MSH6: variants seen among roughly 807,000 people sequenced by gnomAD.
The protein encoded by MSH6 is mutS homolog 6, also known as DNA mismatch repair protein Msh6.
In MSH6, 85 loss-of-function variants were observed where a neutral mutation model predicts 119.1. The ratio of observed to expected loss-of-function variants is 0.71; its 90% CI spans 0.60 to 0.85. The LOEUF (loss-of-function observed/expected upper bound fraction) is 0.85. Among genes scored for constraint, MSH6 ranks in the 40% least tolerant of loss-of-function variants. MSH6 has a pLI of 0.00. For synonymous variants in MSH6, 830 were observed against 586.9 expected (o/e 1.41, Z -5.99); for missense variants, 2,163 against 1,655.3 (o/e 1.31, Z -5.32).
At chr2:47,783,717 A>G in intron 1 of MSH6, 2 of 488,744 alleles carry the variant, frequency 4.1e-6, no homozygotes, top group Non-Finnish European at 6.6e-6. Flanking sequence ...GTGCAGGAAG[A>G]GGGCTGCAGG....
intron 1 of MSH6, among the ~76,000 whole-genome samples, chr2:47,789,814 A>T (rs1361296220): frequency 6.6e-6 from 1 of 151,136 alleles, no homozygotes; most frequent in Non-Finnish European, 1.5e-5. Context: ...TGTATTTTAA[A>T]TTTTGTATTT....
In MSH6 at chr2:47,800,309, C is replaced by T; in HGVS notation, c.2326C>T (p.Gln776Ter). 1.2e-6 allele frequency: 2 copies of T among 1,614,110 alleles called. No homozygotes were observed. The highest frequency in any genetic ancestry group is 8.5e-7 in the Non-Finnish European group (1 of 1,180,018). The change falls in exon 4 of 10, where the codon CAA becomes TAA. Residue 776 changes from glutamine to a stop codon, truncating the protein, a stop_gained. Transcript: ENST00000234420. LOFTEE classifies it high-confidence loss of function. ...HTPFGKRLLK[Q>*]WLCAPLCNHY... ...TCCTTTTGGTAAGCGGCTCCTAAAG[C>T]AATGGCTTTGTGCCCCACTCTGTAA...
At position 47,800,052 on chromosome 2, in the gene MSH6, A is replaced by T. The variant is rs730881794; in HGVS notation, c.2069A>T (p.Tyr690Phe). ...ALSALGGCVF[Y>F]LKKCLIDQEL... ...TCTGCTCTAGGTGGTTGTGTCTTCT[A>T]CCTCAAAAAATGCCTTATTGATCAG... The change falls in exon 4 of 10, where the codon TAC becomes TTC. Residue 690 changes from tyrosine to phenylalanine, a missense_variant. Coordinates refer to ENST00000234420, the MANE Select transcript of MSH6 (RefSeq NM_000179.3). The T allele has an allele frequency of 6.2e-7, 1 of 1,614,132 alleles. No individual in the cohort carries two copies. The highest frequency in any genetic ancestry group is 8.5e-7 in the Non-Finnish European group (1 of 1,180,010).
rs1670107768 is a variant in MSH6, at chr2:47,806,510, A to ATAAATTCATTAAGGGAGCTTG, written c.3862_3882dup (p.Lys1288_Cys1294dup). 6.2e-7 allele frequency: 1 copy of ATAAATTCATTAAGGGAGCTTG among 1,613,964 alleles called. No individual in the cohort carries two copies. Among genetic ancestry groups the ATAAATTCATTAAGGGAGCTTG allele is most frequent in the Admixed American group, 1.7e-5 (1 of 59,998 alleles). On this transcript the variant is annotated inframe_insertion, in exon 9 of 10. Transcript: ENST00000234420. ...AGCCAGGAGACTATTACGTTCCTCT[A>ATAAATTCATTAAGGGAGCTTG]TAAATTCATTAAGGGAGCTTGTCCT...
chr2:47,788,128 G>C (rs1202818773), intron 1 of MSH6, among the ~76,000 whole-genome samples: 1 of 151,556 alleles, frequency 6.6e-6, no homozygotes. Flanking sequence ...GGTCCAGGAT[G>C]TTTAGTGGTA....
chr2:47,809,962 A>T, downstream of MSH6: 1 of 497,674 alleles, frequency 2.0e-6, no homozygotes, highest in Non-Finnish European at 3.5e-6. Flanking sequence ...CTTGGATTTC[A>T]TTTGCATCCA....
chr2:47,804,921 A>C lies in MSH6; in HGVS notation c.3450A>C (p.Leu1150Phe), dbSNP rs762134820. 12 of 1,613,930 alleles carry C rather than the reference A, an allele frequency of 7.4e-6. No homozygotes were observed. Among genetic ancestry groups the C allele is most frequent in the Non-Finnish European group, 1.0e-5 (12 of 1,179,788 alleles). ...TCCCTCATTCACAGGCTGGCTTATTAGCTGTAATGGCCCAGATGGGTTGTT... is the reference window on the plus strand; with the variant it reads ...TCCCTCATTCACAGGCTGGCTTATTCGCTGTAATGGCCCAGATGGGTTGTT... ...KSTLMRQAGL[L>F]AVMAQMGCYV... The change falls in exon 6 of 10, where the codon TTA becomes TTC. Residue 1150 changes from leucine to phenylalanine, a missense_variant. Physicochemically the swap from Leu to Phe is conservative, Grantham distance 22. Coordinates refer to ENST00000234420, the MANE Select transcript of MSH6 (RefSeq NM_000179.3).
rs1336339961 is a variant in MSH6, at chr2:47,806,320, G to T, written c.3763G>T (p.Asp1255Tyr). The T allele has an allele frequency of 9.3e-6, 15 of 1,613,996 alleles. No individual in the cohort carries two copies. Among genetic ancestry groups the T allele is most frequent in the African/African-American group, 4.0e-5 (3 of 74,924 alleles). ...AACTCACTACCATTCATTAGTAGAA[G>T]ATTATTCTCAAAATGTTGCTGTGCG... ...FSTHYHSLVE[D>Y]YSQNVAVRLG... The change falls in exon 8 of 10, where the codon GAT becomes TAT. Residue 1255 changes from aspartate to tyrosine, a missense_variant. Asp to Tyr is a radical substitution (Grantham distance 160). Transcript: ENST00000234420.
In MSH6 at chr2:47,783,994, C is replaced by T. The variant is rs907568220; in HGVS notation, c.260+501C>T. 3.9e-6 allele frequency: 4 copies of T among 1,030,118 alleles called. No homozygotes were observed. In the East Asian group the frequency reaches 1.8e-4, roughly 47 times the overall value. The allele number at this position is 1,030,118 out of a possible 1,614,324, so 63.8% of individuals were successfully genotyped here. ...GGGGTGCGAAAGGAGGTTCCTCGGC[C>T]GGCGCGGAGATAGTGAGTTGGGGCT... On this transcript the variant is annotated intron_variant, in intron 1 of 9. Coordinates refer to ENST00000234420, the MANE Select transcript of MSH6 (RefSeq NM_000179.3).
chr2:47,805,821 A>G, intron 7 of MSH6, 114 bp downstream of exon 7: 1 of 868,242 alleles, frequency 1.2e-6, no homozygotes, highest in South Asian at 1.4e-5. Flanking sequence ...ATGTTTTTAG[A>G]GCACGCACTC....
chr2:47,807,691 G>A (rs546136967), downstream of MSH6: 94 of 229,696 alleles, frequency 4.1e-4, 1 homozygote, highest in Non-Finnish European at 6.6e-4. Flanking sequence ...CAAAAGGAAC[G>A]CAGAAGTGCT....
At chr2:47,808,074 G>A, downstream of MSH6, 6 of 1,533,020 alleles carry the variant, frequency 3.9e-6, no homozygotes, top group South Asian at 5.8e-5. Context: ...AGTGTTTTAA[G>A]TTATGATGTT....
At position 47,783,318 on chromosome 2, in the gene MSH6, C is replaced by G. The variant is rs756589186; in HGVS notation, c.85C>G (p.Arg29Gly). The G allele has an allele frequency of 1.9e-6, 3 of 1,611,450 alleles. No homozygotes were observed. The highest frequency in any genetic ancestry group is 2.5e-6 in the Non-Finnish European group (3 of 1,179,250). The change falls in exon 1 of 10, where the codon CGC becomes GGC. Residue 29 changes from arginine (R) to glycine (G), a missense_variant. Coordinates refer to ENST00000234420, the MANE Select transcript of MSH6 (RefSeq NM_000179.3). ...CAACAAGGCCTCGGCCAGGGCCTCA[C>G]GCGAAGGCGGCCGTGCCGCCGCTGC... ...DANKASARASREGGRAAAAPG... is the reference protein window; with the variant it reads ...DANKASARASGEGGRAAAAPG...
At chr2:47,784,529 C>T (rs144865661) in intron 1 of MSH6, 68 of 151,646 alleles carry the variant, frequency 4.5e-4, no homozygotes, top group Non-Finnish European at 8.8e-4. Context: ...ATGGCGCGAT[C>T]TCAGCTCACC....
chr2:47,793,857 A>G (rs1668909075), intron 2 of MSH6, among the ~76,000 whole-genome samples: 1 of 151,474 alleles, frequency 6.6e-6, no homozygotes, highest in South Asian at 2.1e-4. Context: ...CTGCCTCCCA[A>G]GTAGCTGTGA....
intron 5 of MSH6, 98 bp downstream of exon 5, chr2:47,803,783 C>G: frequency 1.4e-6 from 2 of 1,413,952 alleles, no homozygotes; most frequent in Non-Finnish European, 2.0e-6. Flanking sequence ...ACATAAAAGT[C>G]AGCCAGTGAC....
In MSH6 at chr2:47,800,126, G is replaced by C. The variant is rs1344588756; in HGVS notation, c.2143G>C (p.Asp715His). Reference sequence around the variant, plus strand: ...TGAAGAATATATTCCCTTGGATTCTGACACAGTCAGCACTACAAGATCTGG... The same window carrying C: ...TGAAGAATATATTCCCTTGGATTCTCACACAGTCAGCACTACAAGATCTGG... ...NFEEYIPLDS[D>H]TVSTTRSGAI... The change falls in exon 4 of 10, where the codon GAC becomes CAC. Residue 715 changes from aspartate to histidine, a missense_variant. Transcript: ENST00000234420. 1.2e-6 allele frequency: 2 copies of C among 1,614,122 alleles called. No individual in the cohort carries two copies. Among genetic ancestry groups the C allele is most frequent in the South Asian group, 2.2e-5 (2 of 91,066 alleles).
Position 47,800,359 on chromosome 2 carries a change from A to C in MSH6, c.2376A>C (p.Leu792=). 1 of 1,614,144 alleles carries C rather than the reference A, an allele frequency of 6.2e-7. No homozygotes were observed. The highest frequency in any genetic ancestry group is 8.5e-7 in the Non-Finnish European group (1 of 1,180,024). ...ACCATTATGCTATTAATGATCGTCTAGATGCCATAGAAGACCTCATGGTTG... is the reference window on the plus strand; with the variant it reads ...ACCATTATGCTATTAATGATCGTCTCGATGCCATAGAAGACCTCATGGTTG... ...LCNHYAINDR[L]DAIEDLMVVP... is the part of the protein sequence containing the mutation. Residue 792 remains leucine (L), a synonymous_variant, in exon 4 of 10, where the codon CTA becomes CTC. Coordinates refer to ENST00000234420, the MANE Select transcript of MSH6 (RefSeq NM_000179.3).
In MSH6 at chr2:47,803,353, T is replaced by C; in HGVS notation, c.3173-67T>C. The C allele has an allele frequency of 5.0e-6, 8 of 1,602,464 alleles. No homozygotes were observed. In the Middle Eastern group the frequency reaches 1.3e-3, roughly 266 times the overall value. On this transcript the variant is annotated intron_variant, in intron 4 of 9. Transcript: ENST00000234420. ...TGAAATGTGTTATATAAAGAAGACC[T>C]ATAAAACACTTAGGCTGATAAAACC...
Sources: allele counts gnomAD v4.1 joint callset (sites outside exome capture counted in the v4.1 genomes callset), GRCh38; gene constraint gnomAD v4.1.1; transcripts MANE v1.5; gene names NCBI Gene and HGNC (gene_info 2026-07-23, HGNC 2026-07-21).